Variants in CMYA5 observed in about 807,000 individuals in gnomAD.
CMYA5 encodes the protein cardiomyopathy-associated protein 5.
A neutral mutation model predicts 318.9 loss-of-function variants in CMYA5; 246 were observed. That is an observed-to-expected ratio of 0.77 (90% confidence interval 0.70 to 0.86). CMYA5 has a LOEUF of 0.86. Ranked by LOEUF, CMYA5 falls within the 40% of genes least tolerant of loss-of-function variation. CMYA5 has a pLI of 0.00. For missense variants in CMYA5, 4,589 were observed against 4,678.2 expected (o/e 0.98, Z 0.56); for synonymous variants, 1,641 against 1,729.5 (o/e 0.95, Z 1.27).
At position 79,737,812 on chromosome 5, in the gene CMYA5, T is replaced by A; in HGVS notation, c.9047T>A (p.Leu3016Ter). 6.2e-7 allele frequency: 1 copy of A among 1,606,508 alleles called. No homozygotes were observed. The highest frequency in any genetic ancestry group is 2.2e-5 in the East Asian group (1 of 44,822). Residue 3016 changes from leucine to a stop codon, truncating the protein, a stop_gained, in exon 2 of 13, where the codon TTG becomes TAG. Coordinates refer to ENST00000446378, the MANE Select transcript of CMYA5 (RefSeq NM_153610.5). LOFTEE classifies it high-confidence loss of function. ...TTAGAAGATGAAAAAGTTACCCCAT[T>A]GAAAGAAAATAAACAAAAGGAAACT... ...SRLEDEKVTPLKENKQKETHK... is the reference protein window; with the variant it reads ...SRLEDEKVTP
At chr5:79,767,495 A>G (rs570506893) in intron 9 of CMYA5, among the ~76,000 whole-genome samples, 8 of 152,082 alleles carry the variant, frequency 5.3e-5, no homozygotes, top group Non-Finnish European at 1.0e-4. Context: ...AGATTCTGCT[A>G]TGTTGTGTCT....
At chr5:79,715,175 A>G (rs1429127500) in intron 1 of CMYA5, among the ~76,000 whole-genome samples, 1 of 152,176 alleles carries the variant, frequency 6.6e-6, no homozygotes, top group African/African-American at 2.4e-5. Flanking sequence ...GGTGTTAAAT[A>G]TTTGTTGACT....
intron 1 of CMYA5, among the ~76,000 whole-genome samples, chr5:79,693,023 G>T (rs1048105913): frequency 6.6e-6 from 1 of 152,184 alleles, no homozygotes; most frequent in African/African-American, 2.4e-5. Flanking sequence ...GCTGTTAGAA[G>T]AGATTTAAGG....
chr5:79,743,821 C>T lies in CMYA5; in HGVS notation c.10639-6C>T. On this transcript the variant is annotated splice_region_variant and splice_polypyrimidine_tract_variant and intron_variant, in intron 2 of 12. Transcript: ENST00000446378. ...ATACTAAGGATATCTTAATTCTTTT[C>T]TTCAGGTTCAATTAGCAGAATTTCT... The T allele has an allele frequency of 6.8e-7, 1 of 1,473,488 alleles. No individual in the cohort carries two copies. The highest frequency in any genetic ancestry group is 1.2e-5 in the South Asian group (1 of 80,048). 91.3% of individuals were successfully genotyped at this position (1,473,488 alleles called of 1,614,324 possible).
Position 79,738,411 on chromosome 5 carries a change from AGT to A in CMYA5, c.9650_9651del (p.Val3217GlufsTer3), listed in dbSNP as rs1196407747. 1 of 1,613,724 alleles carries A rather than the reference AGT, an allele frequency of 6.2e-7. No homozygotes were observed. The highest frequency in any genetic ancestry group is 8.5e-7 in the Non-Finnish European group (1 of 1,179,866). On this transcript the variant is annotated frameshift_variant, in exon 2 of 13. Transcript: ENST00000446378. LOFTEE classifies it high-confidence loss of function. ...AGAGGAGACAGCTTCTGAAGGTGAC[AGT>A]GTGAATTCTGAGGCATCATTTCCCA... ...KEEETASEGD[S>X]VNSEASFPSR...
At chr5:79,776,902 G>A (rs1005235139) in intron 9 of CMYA5, among the ~76,000 whole-genome samples, 2 of 152,268 alleles carry the variant, frequency 1.3e-5, no homozygotes, top group African/African-American at 2.4e-5. Flanking sequence ...AGGCCGCCCC[G>A]CTCCCCTGGG....
At chr5:79,791,155 C>A in intron 11 of CMYA5, 86 bp downstream of exon 11, 3 of 811,936 alleles carry the variant, frequency 3.7e-6, no homozygotes, top group Middle Eastern at 3.3e-4. Context: ...CTCCGCTGAG[C>A]ATATTCATGG....
At chr5:79,702,734 CTTTAAAAGGGTGAATT>C (rs902825947) in intron 1 of CMYA5, among the ~76,000 whole-genome samples, 7 of 152,136 alleles carry the variant, frequency 4.6e-5, no homozygotes, top group African/African-American at 1.4e-4. Context: ...GAATGGTACA[CTTTAAAAGGGTGAATT>C]TTATAGTATG....
chr5:79,704,903 A>C (rs964613340), intron 1 of CMYA5, among the ~76,000 whole-genome samples: 64 of 152,292 alleles, frequency 4.2e-4, no homozygotes, highest in Non-Finnish European at 6.8e-4. Flanking sequence ...CCTCTATTTA[A>C]CCTAGCCTGA....
chr5:79,722,796 T>A (rs1373365735), intron 1 of CMYA5, among the ~76,000 whole-genome samples: 1 of 152,056 alleles, frequency 6.6e-6, no homozygotes, highest in Non-Finnish European at 1.5e-5. Flanking sequence ...TTAGGTCTTG[T>A]GTACATTTAA....
At chr5:79,761,400 G>T (rs572681117) in intron 7 of CMYA5, among the ~76,000 whole-genome samples, 2 of 152,178 alleles carry the variant, frequency 1.3e-5, no homozygotes, top group Non-Finnish European at 2.9e-5. Flanking sequence ...TAAAAACCAT[G>T]AAGTTGTCCT....
Position 79,799,793 on chromosome 5 carries a change from A to G in CMYA5, c.*177A>G, listed in dbSNP as rs1829341413. On this transcript the variant is annotated 3_prime_UTR_variant, in exon 13 of 13. Coordinates refer to ENST00000446378, the MANE Select transcript of CMYA5 (RefSeq NM_153610.5). ...CGACAAGAAAACCTTGACTTTACAG[A>G]GCAGTGTGTGAGTAAACAGAATGAA... The G allele has an allele frequency of 2.9e-6, 2 of 684,420 alleles. No individual in the cohort carries two copies. Among genetic ancestry groups the G allele is most frequent in the African/African-American group, 1.8e-5 (1 of 55,344 alleles). 42.4% of individuals were successfully genotyped at this position (684,420 alleles called of 1,614,324 possible).
In CMYA5 at chr5:79,735,998, T is replaced by A; in HGVS notation, c.7233T>A (p.Ile2411=). ...TKESEKPESI[I]LPVEESKGSL... is the part of the protein sequence containing the mutation. The stretch of plus-strand genomic sequence containing the variant: ...AATCAGAGAAACCAGAGTCAATTAT[T>A]TTGCCAGTAGAAGAATCAAAAGGCA... Residue 2411 remains isoleucine, a synonymous_variant, in exon 2 of 13, where the codon ATT becomes ATA. Transcript: ENST00000446378. 3 of 1,613,220 alleles carry A rather than the reference T, an allele frequency of 1.9e-6. No homozygotes were observed. Among genetic ancestry groups the A allele is most frequent in the Non-Finnish European group, 2.5e-6 (3 of 1,179,672 alleles).
intron 9 of CMYA5, among the ~76,000 whole-genome samples, chr5:79,776,550 A>G (rs1369784853): frequency 6.6e-6 from 1 of 151,878 alleles, no homozygotes; most frequent in African/African-American, 2.4e-5. Context: ...AACCTAAATG[A>G]TCATAAAAAT....
chr5:79,731,104 C>T lies in CMYA5; in HGVS notation c.2339C>T (p.Pro780Leu), dbSNP rs138179253. ...PSTATSEHVV[P>L]SEGEDLGSER... ...ACTGCCACATCAGAACACGTGGTCCCATCAGAAGGAGAGGACCTAGGAAGT... is the reference window on the plus strand; with the variant it reads ...ACTGCCACATCAGAACACGTGGTCCTATCAGAAGGAGAGGACCTAGGAAGT... The change falls in exon 2 of 13, where the codon CCA becomes CTA. Residue 780 changes from proline (P) to leucine (L), a missense_variant. Physicochemically the swap from Pro to Leu is moderately conservative, Grantham distance 98. This residue lies in a region of CMYA5 where 2,132 missense variants were observed against 2,131.3 expected (regional missense o/e 1.00). Transcript: ENST00000446378. The T allele has an allele frequency of 5.6e-5, 90 of 1,613,956 alleles. No individual in the cohort carries two copies. Among genetic ancestry groups the T allele is most frequent in the Middle Eastern group, 3.3e-4 (2 of 6,062 alleles).
intron 1 of CMYA5, among the ~76,000 whole-genome samples, chr5:79,699,184 G>T (rs149360136): frequency 6.6e-6 from 1 of 151,596 alleles, no homozygotes; most frequent in Non-Finnish European, 1.5e-5. Flanking sequence ...AACAAAAAAA[G>T]AAAAGAAAAA....
chr5:79,773,150 A>G (rs1828884479), intron 9 of CMYA5, among the ~76,000 whole-genome samples: 1 of 152,222 alleles, frequency 6.6e-6, no homozygotes, highest in Non-Finnish European at 1.5e-5. Context: ...TGAAGGGATC[A>G]TTGTGTGAAG....
In CMYA5 at chr5:79,761,869, G is replaced by A; in HGVS notation, c.11319G>A (p.Leu3773=). 1 of 1,613,676 alleles carries A rather than the reference G, an allele frequency of 6.2e-7. No homozygotes were observed. The highest frequency in any genetic ancestry group is 1.1e-5 in the South Asian group (1 of 90,954). The part of the protein sequence containing the change: ...VKESYCIFED[L]EPDRCYQVWV... ...AAAGCTACTGCATTTTTGAAGATCT[G>A]GAACCTGACCGATGCTATCAAGTGT... Residue 3773 remains leucine, a synonymous_variant, in exon 8 of 13, where the codon CTG becomes CTA. Coordinates refer to ENST00000446378, the MANE Select transcript of CMYA5 (RefSeq NM_153610.5).
chr5:79,724,918 C>G (rs1827716196), intron 1 of CMYA5, among the ~76,000 whole-genome samples: 2 of 152,262 alleles, frequency 1.3e-5, no homozygotes, highest in African/African-American at 4.8e-5. Flanking sequence ...TTGGAATGAC[C>G]TCCCCATCCT....
Sources: allele counts gnomAD v4.1 joint callset (sites outside exome capture counted in the v4.1 genomes callset), GRCh38; gene constraint gnomAD v4.1.1; regional missense constraint gnomAD v4.1.1; transcripts MANE v1.5; gene names NCBI Gene and HGNC (gene_info 2026-07-23, HGNC 2026-07-21).